The following ROBO2 variants were observed in gnomAD, a reference collection of about 807,000 sequenced individuals.
The protein encoded by ROBO2 is roundabout guidance receptor 2, also known as roundabout homolog 2.
ROBO2 carries 53 observed loss-of-function variants against 160.8 expected under a neutral mutation model. The ratio of observed to expected loss-of-function variants is 0.33; its 90% CI spans 0.26 to 0.41. The LOEUF (loss-of-function observed/expected upper bound fraction) is 0.41, where lower values mean the gene tolerates loss of function less well. Ranked by LOEUF, ROBO2 falls within the 10% of genes least tolerant of loss-of-function variation. The pLI, the probability that ROBO2 is intolerant of heterozygous loss-of-function variation, is 1.00. For synonymous variants in ROBO2, 664 were observed against 611.7 expected, an observed-to-expected ratio of 1.09 and a Z score of -1.26; for missense variants, 1,577 against 1,722.4, an observed-to-expected ratio of 0.92 and a Z score of 1.49.
intron 2 of ROBO2, among the ~76,000 whole-genome samples, chr3:77,373,758 G>A (rs2072170548): frequency 6.6e-6 from 1 of 150,862 alleles, no homozygotes; most frequent in African/African-American, 2.4e-5. Flanking sequence ...TTATCCAAAG[G>A]AAGGAAAAAG....
At chr3:77,503,264 G>A (rs1286894889) in intron 5 of ROBO2, among the ~76,000 whole-genome samples, 2 of 151,258 alleles carry the variant, frequency 1.3e-5, no homozygotes, top group African/African-American at 4.8e-5. Context: ...GGTGGCTCAC[G>A]CCTGTAATCC....
chr3:76,146,816 A>G (rs186896472), intron 2 of ROBO2, among the ~76,000 whole-genome samples: 113 of 130,384 alleles, frequency 8.7e-4, no homozygotes, highest in Non-Finnish European at 1.6e-3. Flanking sequence ...ACTCTGTGGT[A>G]ATGATAGAAT....
intron 2 of ROBO2, among the ~76,000 whole-genome samples, chr3:76,396,314 G>A (rs1462051171): frequency 1.3e-5 from 2 of 152,048 alleles, no homozygotes; most frequent in Non-Finnish European, 2.9e-5. Flanking sequence ...GTATTGATGG[G>A]ACGTGTCTCA....
chr3:76,793,632 G>A (rs2063506810), intron 2 of ROBO2, among the ~76,000 whole-genome samples: 2 of 151,594 alleles, frequency 1.3e-5, no homozygotes, highest in Non-Finnish European at 2.9e-5. Flanking sequence ...AAGTTTTAGG[G>A]TACATGTGCA....
chr3:76,740,364 C>G (rs1021124447), intron 2 of ROBO2, among the ~76,000 whole-genome samples: 3 of 152,116 alleles, frequency 2.0e-5, no homozygotes, highest in African/African-American at 4.8e-5. Flanking sequence ...ATACTGTCTT[C>G]TGGCCTAGAT....
intron 2 of ROBO2, among the ~76,000 whole-genome samples, chr3:77,218,161 A>G (rs1430825942): frequency 1.3e-5 from 2 of 152,132 alleles, no homozygotes; most frequent in East Asian, 3.9e-4. Flanking sequence ...GATGTGTTCA[A>G]TCCCCTTGCT....
intron 2 of ROBO2, among the ~76,000 whole-genome samples, chr3:76,446,052 G>C (rs372794910): frequency 7.2e-5 from 11 of 152,070 alleles, no homozygotes; most frequent in Admixed American, 3.9e-4. Flanking sequence ...CAATCAGGCA[G>C]GAGAAAGAAA....
chr3:76,259,042 T>C (rs1230098110), intron 2 of ROBO2, among the ~76,000 whole-genome samples: 1 of 152,164 alleles, frequency 6.6e-6, no homozygotes, highest in Admixed American at 6.6e-5. Context: ...TGACTAAGAC[T>C]GAGTATTATT....
In ROBO2 at chr3:76,354,290, C is replaced by T. The variant is rs145998653; in HGVS notation, c.109+416688C>T. 2.0e-4 allele frequency among the ~76,000 whole-genome samples: 30 copies of T among 151,950 alleles called. No homozygotes were observed. In the East Asian group the frequency reaches 5.8e-3, roughly 30 times the overall value. On this transcript the variant is annotated intron_variant, in intron 2 of 26. Transcript: ENST00000487694. ...AAGAAAGTGCCACAACTCTGGATTT[C>T]AATACATACATTCGTATAACCTTTT...
chr3:76,861,915 G>T (rs1471204838), intron 2 of ROBO2, among the ~76,000 whole-genome samples: 1 of 152,084 alleles, frequency 6.6e-6, no homozygotes, highest in Non-Finnish European at 1.5e-5. Context: ...TAAGTAAAAT[G>T]GCTTAACATG....
At chr3:76,592,491 G>A (rs1578377374) in intron 2 of ROBO2, among the ~76,000 whole-genome samples, 1 of 152,160 alleles carries the variant, frequency 6.6e-6, no homozygotes, top group Non-Finnish European at 1.5e-5. Flanking sequence ...CATGATTTTA[G>A]AGATCAAATG....
chr3:76,890,430 A>G (rs2074258857), intron 2 of ROBO2, among the ~76,000 whole-genome samples: 1 of 152,148 alleles, frequency 6.6e-6, no homozygotes, highest in African/African-American at 2.4e-5. Context: ...CACCACTAGC[A>G]TAAGTAGTTT....
In ROBO2 at chr3:77,410,553, T is replaced by TC. The variant is rs1226471573; in HGVS notation, c.389-66860dup. On this transcript the variant is annotated intron_variant, in intron 2 of 25. Transcript: ENST00000461745. ...TTCCTCCTCCTCTTCTTCCTCCTCT[T>TC]CTTCCTCCTCTTCTTCCTCCTCCTC... Among the ~76,000 whole-genome samples, 27 of 68,846 alleles carry TC rather than the reference T, an allele frequency of 3.9e-4. 1 individual carries two copies. Among genetic ancestry groups the TC allele is most frequent in the South Asian group, 1.7e-3 (3 of 1,746 alleles). 45.2% of individuals were successfully genotyped at this position (68,846 alleles called of 152,430 possible). A position where few individuals can be genotyped will look rare whatever the true frequency, so the allele number is the denominator to read the frequency against.
chr3:76,387,800 A>T (rs1352316639), intron 2 of ROBO2, among the ~76,000 whole-genome samples: 1 of 152,192 alleles, frequency 6.6e-6, no homozygotes, highest in Non-Finnish European at 1.5e-5. Flanking sequence ...ATGACAAATG[A>T]ACATCATGTT....
intron 2 of ROBO2, among the ~76,000 whole-genome samples, chr3:76,220,810 G>T (rs577846634): frequency 6.8e-4 from 103 of 152,266 alleles, no homozygotes; most frequent in African/African-American, 2.4e-3. Flanking sequence ...GATAATTTTA[G>T]TCCTTAGTTC....
At chr3:76,215,193 A>G (rs1376458955) in intron 2 of ROBO2, among the ~76,000 whole-genome samples, 1 of 152,176 alleles carries the variant, frequency 6.6e-6, no homozygotes, top group African/African-American at 2.4e-5. Flanking sequence ...AAAGGTAGAT[A>G]AAGCCACAAA....
At chr3:77,498,623 T>TG (rs2153604912) in intron 5 of ROBO2, among the ~76,000 whole-genome samples, 1 of 152,136 alleles carries the variant, frequency 6.6e-6, no homozygotes, top group South Asian at 2.1e-4. Flanking sequence ...TTTTTTTTTT[T>TG]GGATGGCATT....
At chr3:76,714,007 GA>G (rs1332739980) in intron 2 of ROBO2, among the ~76,000 whole-genome samples, 4 of 151,700 alleles carry the variant, frequency 2.6e-5, no homozygotes, top group Non-Finnish European at 4.4e-5. Flanking sequence ...AACTGCATTT[GA>G]AAAAAACTGT....
intron 2 of ROBO2, among the ~76,000 whole-genome samples, chr3:77,155,142 T>C (rs2077892624): frequency 1.3e-5 from 2 of 152,118 alleles, no homozygotes; most frequent in African/African-American, 4.8e-5. Context: ...CAGTAAACTT[T>C]AGATGACTGT....
Sources: gnomAD v4.1 joint callset for allele counts (sites outside exome capture counted in the v4.1 genomes callset) on GRCh38, gnomAD v4.1.1 for gene constraint, MANE v1.5 for transcripts, NCBI Gene and HGNC (gene_info 2026-07-23, HGNC 2026-07-21) for gene names.